The following BET1L variants were observed in gnomAD, a reference collection of about 807,000 sequenced individuals.
The protein encoded by BET1L is Bet1 golgi vesicular membrane trafficking protein like.
A neutral mutation model predicts 12.6 loss-of-function variants in BET1L; 13 were observed. The ratio of observed to expected loss-of-function variants is 1.03; its 90% CI spans 0.67 to 1.64. The LOEUF (loss-of-function observed/expected upper bound fraction) is 1.64. Among genes scored for constraint, BET1L ranks in the 40% most tolerant of loss-of-function variants. The pLI is 0.00. For missense variants in BET1L, 154 were observed against 150.7 expected (o/e 1.02, Z -0.11); for synonymous variants, 60 against 56.9 (o/e 1.05, Z -0.25).
rs1259536462 is a variant in BET1L, at chr11:205,063, A to AGGGGGGC, written c.*238_*239insGCCCCCC. On this transcript the variant is annotated 3_prime_UTR_variant, in exon 4 of 4. Transcript: ENST00000382762. ...TGCCTGGCTCTCTAGCACCTGGGGG[A>AGGGGGGC]GGGGGGAGGGGCTGGGCCTTGGTTT... is the stretch of plus-strand genomic sequence containing the variant. 4.3e-6 allele frequency: 2 copies of AGGGGGGC among 463,684 alleles called. No individual in the cohort carries two copies. Among genetic ancestry groups the AGGGGGGC allele is most frequent in the Non-Finnish European group, 7.5e-6 (2 of 265,282 alleles). 28.7% of individuals were successfully genotyped at this position (463,684 alleles called of 1,614,324 possible). A position where few individuals can be genotyped will look rare whatever the true frequency, so the allele number is the denominator to read the frequency against.
intron 3 of BET1L, 35 bp downstream of exon 3, chr11:205,576 C>G: frequency 6.2e-7 from 1 of 1,614,104 alleles, no homozygotes; most frequent in Non-Finnish European, 8.5e-7. Flanking sequence ...AGTGCTAGGG[C>G]AGGGCACTGA....
At position 205,112 on chromosome 11, in the gene BET1L, A is replaced by G. The variant is rs1053901079; in HGVS notation, c.*190T>C. The G allele has an allele frequency of 2.7e-6, 2 of 745,398 alleles. No homozygotes were observed. The highest frequency in any genetic ancestry group is 3.5e-5 in the African/African-American group (2 of 56,612). The allele number at this position is 745,398 out of a possible 1,614,324, so 46.2% of individuals were successfully genotyped here. A position where few individuals can be genotyped will look rare whatever the true frequency, so the allele number is the denominator to read the frequency against. Reference sequence around the variant, plus strand: ...TTCCCCGAGAGAGTCCCTTTCACACATGGGACCAGCCAACATGAGCTCATC... The same window carrying G: ...TTCCCCGAGAGAGTCCCTTTCACACGTGGGACCAGCCAACATGAGCTCATC... On this transcript the variant is annotated 3_prime_UTR_variant, in exon 4 of 4. Coordinates refer to ENST00000382762, the MANE Select transcript of BET1L (RefSeq NM_001098787.2).
chr11:205,604 C>A lies in BET1L; in HGVS notation c.168+7G>T, dbSNP rs769213452. ...GGCACTGATACACGCACACCGTGGG[C>A]CCTTACCATGCCATCCAGGTACCGG... is the stretch of plus-strand genomic sequence containing the variant. On this transcript the variant is annotated splice_region_variant and intron_variant, in intron 3 of 3. Coordinates refer to ENST00000382762, the MANE Select transcript of BET1L (RefSeq NM_001098787.2). 4 of 1,613,926 alleles carry A rather than the reference C, an allele frequency of 2.5e-6. No homozygotes were observed. The highest frequency in any genetic ancestry group is 3.4e-6 in the Non-Finnish European group (4 of 1,179,992).
rs1325401895 is a variant in BET1L at position 204,457 on chromosome 11, T to G, written c.*845A>C. On this transcript the variant is annotated 3_prime_UTR_variant, in exon 4 of 4. Coordinates refer to ENST00000382762, the MANE Select transcript of BET1L (RefSeq NM_001098787.2). ...CTGATAGCCCTCACAGGAACCTTCT[T>G]GTGTAGACCCACAGAAGCTCCCTGG... 1 of 152,112 alleles carries G rather than the reference T, an allele frequency of 6.6e-6. No individual in the cohort carries two copies. Among genetic ancestry groups the G allele is most frequent in the African/African-American group, 2.4e-5 (1 of 41,400 alleles). 9.4% of individuals were successfully genotyped at this position (152,112 alleles called of 1,614,324 possible). A position where few individuals can be genotyped will look rare whatever the true frequency, so the allele number is the denominator to read the frequency against.
Position 207,315 on chromosome 11 carries a change from C to G in BET1L, c.7G>C (p.Asp3His). MADWARAQSPGAV... is the reference protein window; with the variant it reads MAHWARAQSPGAV... ...CTCCCGCGCTCACCCCGAGCCCAGT[C>G]CGCCATCGTGCCCTGCCCCGGCTCC... The change falls in exon 1 of 4, where the codon GAC becomes CAC. Residue 3 changes from aspartate (D) to histidine (H), a missense_variant. Physicochemically the swap from Asp to His is moderately conservative, Grantham distance 81. Transcript: ENST00000382762. The G allele has an allele frequency of 4.5e-6, 7 of 1,551,350 alleles. No homozygotes were observed. The highest frequency in any genetic ancestry group is 1.4e-5 in the African/African-American group (1 of 72,166).
rs1158562327 is a variant in BET1L at position 204,201 on chromosome 11, A to C, written c.*1101T>G. 1 of 152,370 alleles carries C rather than the reference A, an allele frequency of 6.6e-6. No individual in the cohort carries two copies. Among genetic ancestry groups the C allele is most frequent in the African/African-American group, 2.4e-5 (1 of 41,444 alleles). 9.4% of individuals were successfully genotyped at this position (152,370 alleles called of 1,614,324 possible). On this transcript the variant is annotated 3_prime_UTR_variant, in exon 4 of 4. Coordinates refer to ENST00000382762, the MANE Select transcript of BET1L (RefSeq NM_001098787.2). ...TTAAAGGTGTTTTTATGCCAAGACA[A>C]GGGGGCGAGGACCTCATCTTGAGGT...
Position 202,983 on chromosome 11 carries a change from A to T in BET1L, c.*2319T>A, listed in dbSNP as rs1042936348. On this transcript the variant is annotated 3_prime_UTR_variant, in exon 4 of 4. Coordinates refer to ENST00000382762, the MANE Select transcript of BET1L (RefSeq NM_001098787.2). ...TTTATTGTTAATGTTTCTCATCCTGAAATTATGGGATACAGCCTAGCAGTT... is the reference window on the plus strand; with the variant it reads ...TTTATTGTTAATGTTTCTCATCCTGTAATTATGGGATACAGCCTAGCAGTT... 2.0e-5 allele frequency: 3 copies of T among 152,208 alleles called. No homozygotes were observed. The highest frequency in any genetic ancestry group is 7.2e-5 in the African/African-American group (3 of 41,438). The allele number at this position is 152,208 out of a possible 1,614,324, so 9.4% of individuals were successfully genotyped here. A position where few individuals can be genotyped will look rare whatever the true frequency, so the allele number is the denominator to read the frequency against.
In BET1L at chr11:205,420, C is replaced by G; in HGVS notation, c.218G>C (p.Arg73Pro). Reference sequence around the variant, plus strand: ...TCCGGACCTTGCCATTGTGGAAAAGCGCTTCACGCTCCCTGTAAGCAGGCT... The same window carrying G: ...TCCGGACCTTGCCATTGTGGAAAAGGGCTTCACGCTCCCTGTAAGCAGGCT... ...MTSLLTGSVK[R>P]FSTMARSGQD... Residue 73 changes from arginine (R) to proline (P), a missense_variant, in exon 4 of 4, where the codon CGC becomes CCC. Coordinates refer to ENST00000382762, the MANE Select transcript of BET1L (RefSeq NM_001098787.2). The G allele has an allele frequency of 6.2e-7, 1 of 1,614,212 alleles. No individual in the cohort carries two copies. The highest frequency in any genetic ancestry group is 8.5e-7 in the Non-Finnish European group (1 of 1,180,050).
intron 1 of BET1L, 28 bp from the exon 2 acceptor site, chr11:206,071 G>A: frequency 6.2e-7 from 1 of 1,602,034 alleles, no homozygotes; most frequent in Non-Finnish European, 8.5e-7. Context: ...CTGAAGGGTT[G>A]CATCCATCGG....
rs57995069 is a variant in BET1L, at chr11:204,523, CATTTCT to C, written c.*773_*778del. 7,466 of 152,342 alleles carry C rather than the reference CATTTCT, an allele frequency of 0.049. 235 individuals are homozygous for C. Among genetic ancestry groups the C allele is most frequent in the East Asian group, 0.14 (748 of 5,178 alleles). The allele number at this position is 152,342 out of a possible 1,614,324, so 9.4% of individuals were successfully genotyped here. On this transcript the variant is annotated 3_prime_UTR_variant, in exon 4 of 4. Coordinates refer to ENST00000382762, the MANE Select transcript of BET1L (RefSeq NM_001098787.2). ...CTGACTCTGAAATGCCAGACAGGCC[CATTTCT>C]AGGTCTGTTCTCCTGAAAATACATC...
chr11:202,969 T>A lies in BET1L; in HGVS notation c.*2333A>T, dbSNP rs187771895. 1.3e-5 allele frequency: 2 copies of A among 152,364 alleles called. No homozygotes were observed. Among genetic ancestry groups the A allele is most frequent in the Non-Finnish European group, 2.9e-5 (2 of 68,052 alleles). 9.4% of individuals were successfully genotyped at this position (152,364 alleles called of 1,614,324 possible). A position where few individuals can be genotyped will look rare whatever the true frequency, so the allele number is the denominator to read the frequency against. On this transcript the variant is annotated 3_prime_UTR_variant, in exon 4 of 4. Transcript: ENST00000382762. ...GTTTACTACAAATTTTTATTGTTAATGTTTCTCATCCTGAAATTATGGGAT... is the reference window on the plus strand; with the variant it reads ...GTTTACTACAAATTTTTATTGTTAAAGTTTCTCATCCTGAAATTATGGGAT...
chr11:205,410 T>G lies in BET1L; in HGVS notation c.228A>C (p.Thr76=), dbSNP rs1433181948. 3 of 1,614,090 alleles carry G rather than the reference T, an allele frequency of 1.9e-6. No individual in the cohort carries two copies. In the African/African-American group the frequency reaches 4.0e-5, roughly 22 times the overall value. The part of the protein sequence containing the change: ...LLTGSVKRFS[T]MARSGQDNRK... ...GGTTGTCTTGTCCGGACCTTGCCAT[T>G]GTGGAAAAGCGCTTCACGCTCCCTG... is the stretch of plus-strand genomic sequence containing the variant. Residue 76 remains threonine (T), a synonymous_variant, in exon 4 of 4, where the codon ACA becomes ACC. Transcript: ENST00000382762.
chr11:206,624 T>A (rs1471319448), intron 1 of BET1L, among the ~76,000 whole-genome samples: 1 of 152,004 alleles, frequency 6.6e-6, no homozygotes, highest in Non-Finnish European at 1.5e-5. Context: ...AGGAGCGGGA[T>A]CCTTGGTCTG....
rs1232224108 is a variant in BET1L at position 203,361 on chromosome 11, G to C, written c.*1941C>G. 1.6e-4 allele frequency: 25 copies of C among 152,218 alleles called. No individual in the cohort carries two copies. Among genetic ancestry groups the C allele is most frequent in the Non-Finnish European group, 1.2e-4 (8 of 68,048 alleles). 9.4% of individuals were successfully genotyped at this position (152,218 alleles called of 1,614,324 possible). A position where few individuals can be genotyped will look rare whatever the true frequency, so the allele number is the denominator to read the frequency against. The stretch of plus-strand genomic sequence containing the variant: ...GGGAACACAGTGACTGAGTCTGAGA[G>C]ACAGCAAAGCACCTCTCCAGCGAAA... On this transcript the variant is annotated 3_prime_UTR_variant, in exon 4 of 4. Transcript: ENST00000382762.
intron 1 of BET1L, chr11:207,039 C>T: frequency 4.0e-6 from 2 of 499,574 alleles, no homozygotes; most frequent in Non-Finnish European, 7.0e-6. Flanking sequence ...TCACAGGGGG[C>T]GGCGGGGAGT....
In BET1L at chr11:204,993, C is replaced by A; in HGVS notation, c.*309G>T. The A allele has an allele frequency of 2.8e-6, 1 of 362,992 alleles. No homozygotes were observed. Among genetic ancestry groups the A allele is most frequent in the Non-Finnish European group, 5.2e-6 (1 of 190,746 alleles). 22.5% of individuals were successfully genotyped at this position (362,992 alleles called of 1,614,324 possible). A position where few individuals can be genotyped will look rare whatever the true frequency, so the allele number is the denominator to read the frequency against. ...GGCCACGTCTGGGATTCACCAGCTG[C>A]TCTGCTCAGACCTGGCTTCTCCAGA... On this transcript the variant is annotated 3_prime_UTR_variant, in exon 4 of 4. Transcript: ENST00000382762.
Position 206,061 on chromosome 11 carries a change from C to A in BET1L, c.20-18G>T. 1 of 1,610,692 alleles carries A rather than the reference C, an allele frequency of 6.2e-7. No individual in the cohort carries two copies. The highest frequency in any genetic ancestry group is 8.5e-7 in the Non-Finnish European group (1 of 1,178,108). On this transcript the variant is annotated intron_variant, in intron 1 of 3. Transcript: ENST00000382762. ...GCTCTGAGCTGAGAAAAGAGAGGGG[C>A]TGAAGGGTTGCATCCATCGGTGAGC...
Position 207,359 on chromosome 11 carries a change from C to CGGCTACAGCCGCCTCAGACGT in BET1L, c.-39_-38insACGTCTGAGGCGGCTGTAGCC. 14 of 1,506,420 alleles carry CGGCTACAGCCGCCTCAGACGT rather than the reference C, an allele frequency of 9.3e-6. No homozygotes were observed. The highest frequency in any genetic ancestry group is 1.2e-5 in the Non-Finnish European group (14 of 1,132,084). 93.3% of individuals were successfully genotyped at this position (1,506,420 alleles called of 1,614,324 possible). On this transcript the variant is annotated 5_prime_UTR_variant, in exon 1 of 4. Transcript: ENST00000382762. Reference sequence around the variant, plus strand: ...CGGCTCCTCGACGCGGACACCGACGCGGCCACAGCCGCCTCAGACGTGGCG... The same window carrying CGGCTACAGCCGCCTCAGACGT: ...CGGCTCCTCGACGCGGACACCGACGCGGCTACAGCCGCCTCAGACGTGGCCACAGCCGCCTCAGACGTGGCG...
At chr11:206,702 T>G (rs1424749215) in intron 1 of BET1L, among the ~76,000 whole-genome samples, 3 of 152,202 alleles carry the variant, frequency 2.0e-5, no homozygotes, top group Admixed American at 2.0e-4. Context: ...TGTGACAGGC[T>G]GGGCCAGGGG....
Sources: allele counts gnomAD v4.1 joint callset (sites outside exome capture counted in the v4.1 genomes callset), GRCh38; gene constraint gnomAD v4.1.1; transcripts MANE v1.5; gene names NCBI Gene and HGNC (gene_info 2026-07-23, HGNC 2026-07-21).